Variants in BTBD3 observed in about 807,000 individuals in gnomAD.
The protein encoded by BTBD3 is BTB domain containing 3.
BTBD3 carries 14 observed loss-of-function variants against 41.6 expected under a neutral mutation model. The observed-to-expected ratio is 0.34, with a 90% confidence interval of 0.22 to 0.53. The LOEUF is 0.53. BTBD3 is among the 20% of genes least tolerant of loss of function. The pLI, the probability that BTBD3 is intolerant of heterozygous loss-of-function variation, is 0.95. For missense variants in BTBD3, 426 were observed against 654.7 expected, an observed-to-expected ratio of 0.65 and a Z score of 3.81; for synonymous variants, 249 against 233.7, an observed-to-expected ratio of 1.07 and a Z score of -0.60.
chr20:11,895,043 C>T (rs759882688), intron 1 of BTBD3, among the ~76,000 whole-genome samples: 19 of 152,094 alleles, frequency 1.2e-4, no homozygotes, highest in Non-Finnish European at 2.5e-4. Context: ...CCTATACCGC[C>T]GCTGCCTCCT....
intron 1 of BTBD3, among the ~76,000 whole-genome samples, chr20:11,903,049 T>C (rs1332445797): frequency 6.6e-6 from 1 of 152,190 alleles, no homozygotes; most frequent in Middle Eastern, 3.2e-3. Context: ...CGTTCAAGGG[T>C]TACCTGTATT....
At chr20:11,911,920 A>G (rs1357733603) in intron 1 of BTBD3, among the ~76,000 whole-genome samples, 1 of 152,210 alleles carries the variant, frequency 6.6e-6, no homozygotes, top group African/African-American at 2.4e-5. Context: ...TGTAAGAGCT[A>G]TAATCGTCAA....
At chr20:11,899,833 C>G (rs1304911774) in intron 1 of BTBD3, among the ~76,000 whole-genome samples, 1 of 151,212 alleles carries the variant, frequency 6.6e-6, no homozygotes, top group Non-Finnish European at 1.5e-5. Flanking sequence ...CTGTGATTTG[C>G]AAGAAAAAAA....
At chr20:11,890,893 G>T in exon 1 of BTBD3, 3 of 985,012 alleles carry the variant, frequency 3.0e-6, no homozygotes, top group Non-Finnish European at 3.6e-6. Context: ...GGGGCCTGAG[G>T]AGCGGGCACA....
chr20:11,907,851 A>C (rs1052675392), intron 1 of BTBD3, among the ~76,000 whole-genome samples: 2 of 152,194 alleles, frequency 1.3e-5, no homozygotes, highest in African/African-American at 4.8e-5. Context: ...GAGCCAGGTC[A>C]TGGAGATCCA....
At chr20:11,911,905 G>A (rs2056891761) in intron 1 of BTBD3, among the ~76,000 whole-genome samples, 1 of 152,176 alleles carries the variant, frequency 6.6e-6, no homozygotes, top group Non-Finnish European at 1.5e-5. Context: ...GAGACACAGT[G>A]TGTATGTAAG....
intron 1 of BTBD3, among the ~76,000 whole-genome samples, chr20:11,905,836 A>G (rs1332808824): frequency 1.3e-5 from 2 of 152,182 alleles, no homozygotes; most frequent in African/African-American, 2.4e-5. Context: ...TTTGTTCTGC[A>G]TCACCACTAG....
intron 2 of BTBD3, 65 bp downstream of exon 2, chr20:11,919,241 C>T (rs2056944002): frequency 1.3e-6 from 2 of 1,491,234 alleles, no homozygotes; most frequent in Non-Finnish European, 1.8e-6. Context: ...TTCCATAAGC[C>T]TGTAACTTGG....
intron 1 of BTBD3, chr20:11,891,065 CGAG>C (rs2056748602): frequency 1.3e-6 from 1 of 752,932 alleles, no homozygotes; most frequent in Admixed American, 6.3e-5. Flanking sequence ...CCGAGCGAAG[CGAG>C]GAGAGGCCGG....
intron 1 of BTBD3, among the ~76,000 whole-genome samples, chr20:11,897,881 G>A (rs1261775861): frequency 6.6e-6 from 1 of 152,130 alleles, no homozygotes; most frequent in African/African-American, 2.4e-5. Flanking sequence ...GATCTGGGCC[G>A]GGCATGGTGG....
chr20:11,894,588 T>A (rs1410979676), intron 1 of BTBD3, among the ~76,000 whole-genome samples: 1 of 152,152 alleles, frequency 6.6e-6, no homozygotes, highest in Non-Finnish European at 1.5e-5. Context: ...TTTAAAAAAA[T>A]TAAATACCCG....
upstream of BTBD3, chr20:11,913,648 C>T (rs999162479): frequency 1.3e-5 from 2 of 152,104 alleles, no homozygotes; most frequent in Admixed American, 6.6e-5. Context: ...TTCACAAACC[C>T]CTTATACTTC....
intron 1 of BTBD3, among the ~76,000 whole-genome samples, chr20:11,898,543 T>C (rs1450866698): frequency 6.6e-6 from 1 of 152,252 alleles, no homozygotes; most frequent in Admixed American, 6.5e-5. Flanking sequence ...TGCCTCTCTT[T>C]CCTACCTCTG....
chr20:11,890,916 G>C, exon 1 of BTBD3: 1 of 984,800 alleles, frequency 1.0e-6, no homozygotes, highest in South Asian at 4.7e-5. Context: ...GCAAGGCGGC[G>C]GACGGCTGCG....
upstream of BTBD3, among the ~76,000 whole-genome samples, chr20:11,914,507 C>G (rs954631032): frequency 1.3e-5 from 2 of 151,960 alleles, no homozygotes; most frequent in African/African-American, 2.4e-5. Flanking sequence ...CATGAACTTG[C>G]CATCATCTGG....
rs1370484420 is a variant in BTBD3 at position 11,923,414 on chromosome 20, G to A, written c.1317G>A (p.Leu439=). 6.2e-7 allele frequency: 1 copy of A among 1,614,224 alleles called. No homozygotes were observed. Among genetic ancestry groups the A allele is most frequent in the African/African-American group, 1.3e-5 (1 of 75,062 alleles). The part of the protein sequence containing the change: ...KRQGVVLGQN[L]SKYFSDGSSN... Reference sequence around the variant, plus strand: ...AGGGCGTTGTCCTGGGGCAGAACTTGAGCAAGTACTTCTCAGATGGGTCCA... The same window carrying A: ...AGGGCGTTGTCCTGGGGCAGAACTTAAGCAAGTACTTCTCAGATGGGTCCA... Residue 439 remains leucine (L), a synonymous_variant, in exon 4 of 4, where the codon TTG becomes TTA. Transcript: ENST00000378226. This position sits in a 1 kb window ranked among gnomAD's most constrained non-coding sequence, Gnocchi z 5.3.
intron 1 of BTBD3, among the ~76,000 whole-genome samples, chr20:11,907,379 A>G (rs1004250217): frequency 6.6e-6 from 1 of 152,226 alleles, no homozygotes; most frequent in Non-Finnish European, 1.5e-5. Flanking sequence ...TCAGTCAACT[A>G]GAAACACTGT....
intron 1 of BTBD3, chr20:11,890,961 G>C: frequency 3.1e-6 from 3 of 983,410 alleles, no homozygotes; most frequent in Admixed American, 6.2e-5. Context: ...GGCGGTGAGT[G>C]AGGGCGCCGC....
chr20:11,914,460 C>T (rs747750633), upstream of BTBD3, among the ~76,000 whole-genome samples: 2 of 152,056 alleles, frequency 1.3e-5, no homozygotes, highest in South Asian at 2.1e-4. Context: ...AATAAATGCA[C>T]ACATACTGCC....
Sources: allele counts gnomAD v4.1 joint callset (sites outside exome capture counted in the v4.1 genomes callset), GRCh38; gene constraint gnomAD v4.1.1; non-coding constraint Gnocchi (gnomAD v3.1); transcripts MANE v1.5; gene names NCBI Gene and HGNC (gene_info 2026-07-23, HGNC 2026-07-21).